The following PCDH9 variants were observed in gnomAD, a reference collection of about 807,000 sequenced individuals.
PCDH9 encodes the protein protocadherin-9.
In PCDH9, 24 loss-of-function variants were observed where a neutral mutation model predicts 70.6. The ratio of observed to expected loss-of-function variants is 0.34; its 90% CI spans 0.25 to 0.48. PCDH9 has a LOEUF of 0.48. PCDH9 is among the 20% of genes least tolerant of loss of function. The pLI is 0.99. For synonymous variants in PCDH9, 562 were observed against 558.5 expected (o/e 1.01, Z -0.09); for missense variants, 1,281 against 1,503.6 (o/e 0.85, Z 2.45).
intron 3 of PCDH9, among the ~76,000 whole-genome samples, chr13:66,784,819 G>A (rs1380925458): frequency 2.6e-5 from 4 of 152,012 alleles, no homozygotes. Flanking sequence ...TTAAAATATA[G>A]CCCTGAGGTA....
intron 3 of PCDH9, among the ~76,000 whole-genome samples, chr13:66,844,731 C>A (rs1229248860): frequency 6.6e-6 from 1 of 152,088 alleles, no homozygotes; most frequent in Non-Finnish European, 1.5e-5. Flanking sequence ...AGAGAAGTTA[C>A]CTCATCCTGC....
chr13:66,862,230 T>C (rs1366626735), intron 3 of PCDH9, among the ~76,000 whole-genome samples: 1 of 152,220 alleles, frequency 6.6e-6, no homozygotes, highest in Non-Finnish European at 1.5e-5. Flanking sequence ...TGTCCAAGCA[T>C]TTCTTTTTCT....
At position 66,546,060 on chromosome 13, in the gene PCDH9, G is replaced by A. The variant is rs550554828; in HGVS notation, c.3340+85150C>T. Among the ~76,000 whole-genome samples the A allele has an allele frequency of 4.6e-5, 7 of 151,376 alleles. No individual in the cohort carries two copies. The South Asian group carries it at 1.5e-3, about 32-fold the overall frequency. On this transcript the variant is annotated intron_variant, in intron 4 of 4. Transcript: ENST00000377865. ...TCACCATGTTAGCCAGGATGGTCTC[G>A]ATCTCCTGACCTCATGATCCATCCA...
intron 2 of PCDH9, among the ~76,000 whole-genome samples, chr13:66,987,986 A>G (rs978496130): frequency 9.2e-5 from 14 of 151,828 alleles, no homozygotes; most frequent in Admixed American, 2.6e-4. Context: ...GGGCTCAATA[A>G]GTTCTTGGGC....
chr13:66,736,933 A>G (rs2079158494), intron 3 of PCDH9, among the ~76,000 whole-genome samples: 1 of 152,190 alleles, frequency 6.6e-6, no homozygotes, highest in African/African-American at 2.4e-5. Context: ...TTTATCAGGC[A>G]ACTTCGCAGG....
At chr13:66,322,367 C>T in intron 4 of PCDH9, among the ~76,000 whole-genome samples, 1 of 151,922 alleles carries the variant, frequency 6.6e-6, no homozygotes, top group East Asian at 1.9e-4. Flanking sequence ...CATACGTTGT[C>T]TATACTGCCT....
At chr13:66,723,884 C>T (rs758381843) in intron 3 of PCDH9, among the ~76,000 whole-genome samples, 8 of 152,152 alleles carry the variant, frequency 5.3e-5, no homozygotes, top group Non-Finnish European at 1.2e-4. Flanking sequence ...TTAAAAGTCG[C>T]ATTGTGCCAG....
At chr13:66,738,753 C>T (rs540449868) in intron 3 of PCDH9, among the ~76,000 whole-genome samples, 87 of 150,806 alleles carry the variant, frequency 5.8e-4, no homozygotes, top group African/African-American at 1.6e-3. Flanking sequence ...CAATGGAAGA[C>T]GAAATGAATG....
chr13:67,076,550 T>A (rs1397625287), intron 2 of PCDH9, among the ~76,000 whole-genome samples: 1 of 152,144 alleles, frequency 6.6e-6, no homozygotes, highest in Admixed American at 6.6e-5. Context: ...AGTGGTGATA[T>A]GGAAATCTGT....
intron 3 of PCDH9, among the ~76,000 whole-genome samples, chr13:66,798,423 G>A (rs1175062763): frequency 6.6e-6 from 1 of 152,076 alleles, no homozygotes; most frequent in Non-Finnish European, 1.5e-5. Context: ...GCATAGGTGT[G>A]CACAGACACT....
At position 66,982,304 on chromosome 13, in the gene PCDH9, C is replaced by T. The variant is rs531308956; in HGVS notation, c.3037-78699G>A. The stretch of plus-strand genomic sequence containing the variant: ...CTTTTCTTTATAAATTACCCAGTCT[C>T]AGGTATTTCTTTATAGCAATGCATA... On this transcript the variant is annotated intron_variant, in intron 2 of 4. Transcript: ENST00000377865. Among the ~76,000 whole-genome samples the T allele has an allele frequency of 3.3e-5, 5 of 152,274 alleles. No homozygotes were observed. The South Asian group carries it at 8.3e-4, about 25-fold the overall frequency.
At chr13:66,352,681 A>G (rs536789346) in intron 4 of PCDH9, among the ~76,000 whole-genome samples, 14 of 152,272 alleles carry the variant, frequency 9.2e-5, no homozygotes, top group African/African-American at 2.9e-4. Flanking sequence ...CCATCTCCAA[A>G]TACCACCACA....
At chr13:67,138,842 G>C (rs754083652) in intron 2 of PCDH9, among the ~76,000 whole-genome samples, 1 of 152,102 alleles carries the variant, frequency 6.6e-6, no homozygotes, top group Non-Finnish European at 1.5e-5. Flanking sequence ...ATTGAAAATA[G>C]CCTATACATA....
At chr13:66,547,523 T>A (rs1961262624) in intron 4 of PCDH9, among the ~76,000 whole-genome samples, 1 of 152,156 alleles carries the variant, frequency 6.6e-6, no homozygotes, top group Non-Finnish European at 1.5e-5. Flanking sequence ...CTGCACTACT[T>A]CCAGTATTGG....
intron 3 of PCDH9, among the ~76,000 whole-genome samples, chr13:66,882,831 T>C (rs922532617): frequency 6.6e-6 from 1 of 152,138 alleles, no homozygotes; most frequent in African/African-American, 2.4e-5. Context: ...ACAAAATACC[T>C]CAGTGCATAA....
At chr13:66,556,008 A>G (rs1961725130) in intron 4 of PCDH9, among the ~76,000 whole-genome samples, 1 of 148,610 alleles carries the variant, frequency 6.7e-6, no homozygotes. Flanking sequence ...CTTTATTTCT[A>G]CTGAAAGACA....
intron 3 of PCDH9, among the ~76,000 whole-genome samples, chr13:66,901,210 G>C (rs1222648562): frequency 6.6e-6 from 1 of 151,622 alleles, no homozygotes; most frequent in Non-Finnish European, 1.5e-5. Flanking sequence ...AATACAAAAT[G>C]CATGTTAAAG....
At chr13:66,721,010 G>A (rs1312479112) in intron 3 of PCDH9, among the ~76,000 whole-genome samples, 1 of 152,146 alleles carries the variant, frequency 6.6e-6, no homozygotes, top group African/African-American at 2.4e-5. Context: ...TACAATCACT[G>A]TTATACACGT....
chr13:66,595,836 G>C (rs148958941), intron 4 of PCDH9, among the ~76,000 whole-genome samples: 1 of 151,630 alleles, frequency 6.6e-6, no homozygotes, highest in Non-Finnish European at 1.5e-5. Context: ...ACCCTGAAAA[G>C]ATTGTAAGAT....
Sources: gnomAD v4.1 joint callset for allele counts (sites outside exome capture counted in the v4.1 genomes callset) on GRCh38, gnomAD v4.1.1 for gene constraint, MANE v1.5 for transcripts, NCBI Gene and HGNC (gene_info 2026-07-23, HGNC 2026-07-21) for gene names.